The following HS6ST3 variants were observed in gnomAD, a reference collection of about 807,000 sequenced individuals.
HS6ST3 encodes the protein heparan-sulfate 6-O-sulfotransferase 3.
Under a neutral mutation model 36.7 loss-of-function variants are expected in HS6ST3, and 12 were observed. The ratio of observed to expected loss-of-function variants is 0.33; its 90% CI spans 0.21 to 0.53. The LOEUF (loss-of-function observed/expected upper bound fraction) is 0.53, where lower values mean the gene tolerates loss of function less well. HS6ST3 is among the 20% of genes least tolerant of loss of function. The pLI, the probability that HS6ST3 is intolerant of heterozygous loss-of-function variation, is 0.95. For synonymous variants in HS6ST3, 240 were observed against 257.5 expected (o/e 0.93, Z 0.65); for missense variants, 584 against 640.9 (o/e 0.91, Z 0.96).
At chr13:96,580,246 A>G (rs866307495) in intron 1 of HS6ST3, among the ~76,000 whole-genome samples, 135 of 149,712 alleles carry the variant, frequency 9.0e-4, no homozygotes, top group South Asian at 4.2e-3. Context: ...AGTGTAATCC[A>G]TACTCAGCTT....
chr13:96,479,333 A>G (rs531244454), intron 1 of HS6ST3, among the ~76,000 whole-genome samples: 1 of 152,358 alleles, frequency 6.6e-6, no homozygotes, highest in South Asian at 2.1e-4. Context: ...ACTGAAGCAT[A>G]GAGAGTGGAA....
At chr13:96,130,615 C>G (rs2053970915) in intron 1 of HS6ST3, among the ~76,000 whole-genome samples, 1 of 152,132 alleles carries the variant, frequency 6.6e-6, no homozygotes, top group African/African-American at 2.4e-5. Flanking sequence ...TCATTGTGAA[C>G]TTGTCTTTCC....
chr13:96,732,885 A>G lies in HS6ST3; in HGVS notation c.708-99605A>G, dbSNP rs185800118. ...TTGTTTGTTAAATTTATTCCGAAGT[A>G]TTTTTTGTAACTATTGTAAATGGGC... On this transcript the variant is annotated intron_variant, in intron 1 of 1. Transcript: ENST00000376705. Among the ~76,000 whole-genome samples the G allele has an allele frequency of 2.3e-4, 35 of 152,144 alleles. No homozygotes were observed. In the East Asian group the frequency reaches 6.2e-3, roughly 27 times the overall value.
chr13:96,813,387 C>T (rs904132622), intron 1 of HS6ST3, among the ~76,000 whole-genome samples: 2 of 152,162 alleles, frequency 1.3e-5, no homozygotes, highest in African/African-American at 4.8e-5. Context: ...TCTGCGTACC[C>T]CACCACTAAC....
At chr13:96,303,013 G>A (rs375814366) in intron 1 of HS6ST3, among the ~76,000 whole-genome samples, 2 of 152,250 alleles carry the variant, frequency 1.3e-5, no homozygotes, top group South Asian at 2.1e-4. Context: ...ACAGTGTTAA[G>A]GTTGAGTGAA....
At chr13:96,291,675 C>T (rs906757737) in intron 1 of HS6ST3, among the ~76,000 whole-genome samples, 6 of 152,186 alleles carry the variant, frequency 3.9e-5, no homozygotes, top group African/African-American at 9.6e-5. Context: ...ATGAAGTTAT[C>T]GAAATATTGT....
chr13:96,173,861 GTAT>G (rs2054200456), intron 1 of HS6ST3, among the ~76,000 whole-genome samples: 1 of 150,944 alleles, frequency 6.6e-6, no homozygotes, highest in Non-Finnish European at 1.5e-5. Flanking sequence ...TAATGTATTT[GTAT>G]TATTATGGTT....
intron 1 of HS6ST3, among the ~76,000 whole-genome samples, chr13:96,195,782 T>C (rs1395015790): frequency 6.6e-6 from 1 of 152,148 alleles, no homozygotes; most frequent in East Asian, 1.9e-4. Context: ...TGGCAGAAAG[T>C]AATTCAGAGC....
chr13:96,533,737 C>A (rs1594801434), intron 1 of HS6ST3, among the ~76,000 whole-genome samples: 1 of 152,168 alleles, frequency 6.6e-6, no homozygotes, highest in South Asian at 2.1e-4. Context: ...ACCAGAGGCC[C>A]CAAACTGGAG....
chr13:96,187,133 C>T (rs2054268560), intron 1 of HS6ST3, among the ~76,000 whole-genome samples: 1 of 152,164 alleles, frequency 6.6e-6, no homozygotes, highest in Admixed American at 6.5e-5. Context: ...TGCTTCTCAG[C>T]ATTTTGCAGG....
intron 1 of HS6ST3, among the ~76,000 whole-genome samples, chr13:96,313,028 T>C (rs2054949736): frequency 6.6e-6 from 1 of 151,898 alleles, no homozygotes; most frequent in African/African-American, 2.4e-5. Context: ...TATGTAGTTA[T>C]CCTCTTTTTC....
intron 1 of HS6ST3, among the ~76,000 whole-genome samples, chr13:96,196,711 C>T (rs565237641): frequency 6.6e-6 from 1 of 152,288 alleles, no homozygotes; most frequent in African/African-American, 2.4e-5. Flanking sequence ...GAGAGCTGTG[C>T]TAGGTGGGCA....
chr13:96,455,399 T>A (rs966027572), intron 1 of HS6ST3, among the ~76,000 whole-genome samples: 1 of 151,984 alleles, frequency 6.6e-6, no homozygotes. Flanking sequence ...TTTTTTTTTT[T>A]CTATTTTTTG....
At chr13:96,341,220 AAC>A (rs2055128516) in intron 1 of HS6ST3, among the ~76,000 whole-genome samples, 1 of 152,168 alleles carries the variant, frequency 6.6e-6, no homozygotes, top group Non-Finnish European at 1.5e-5. Flanking sequence ...TATAGATTAA[AAC>A]AATCAAATAA....
At chr13:96,181,980 C>T (rs138898059) in intron 1 of HS6ST3, among the ~76,000 whole-genome samples, 1 of 152,282 alleles carries the variant, frequency 6.6e-6, no homozygotes, top group Non-Finnish European at 1.5e-5. Flanking sequence ...GCCTATTCAC[C>T]TACCCTGTTT....
At chr13:96,492,367 G>GT (rs2055950797) in intron 1 of HS6ST3, among the ~76,000 whole-genome samples, 2 of 152,270 alleles carry the variant, frequency 1.3e-5, no homozygotes, top group South Asian at 4.1e-4. Context: ...ACATCTACCA[G>GT]TTTTTTTAGG....
chr13:96,776,209 A>T (rs1294035676), intron 1 of HS6ST3, among the ~76,000 whole-genome samples: 2 of 152,204 alleles, frequency 1.3e-5, no homozygotes, highest in African/African-American at 4.8e-5. Context: ...AGGGAATTTT[A>T]CGGCACTAAA....
intron 1 of HS6ST3, among the ~76,000 whole-genome samples, chr13:96,326,334 C>G (rs1349783931): frequency 3.3e-5 from 4 of 122,044 alleles, no homozygotes; most frequent in Admixed American, 8.9e-5. Context: ...CCCCTCCCCC[C>G]ACCCCACAAC....
At position 96,090,616 on chromosome 13, in the gene HS6ST3, G is replaced by A. The variant is rs1046686161; in HGVS notation, c.-247G>A. 6.9e-6 allele frequency among the ~76,000 whole-genome samples: 1 copy of A among 145,944 alleles called. No individual in the cohort carries two copies. The highest frequency in any genetic ancestry group is 1.5e-5 in the Non-Finnish European group (1 of 65,718). ...GCCCGGGCGCACCCGGGAGCGCAGG[G>A]CGCCCCACGCCGCAGCCGCAGCCGA... On this transcript the variant is annotated 5_prime_UTR_variant, in exon 1 of 2. Transcript: ENST00000376705.
Sources: gnomAD v4.1 joint callset for allele counts (sites outside exome capture counted in the v4.1 genomes callset) on GRCh38, gnomAD v4.1.1 for gene constraint, MANE v1.5 for transcripts, NCBI Gene and HGNC (gene_info 2026-07-23, HGNC 2026-07-21) for gene names.